CDK19: variants seen among roughly 807,000 people sequenced by gnomAD.
CDK19 encodes the protein cyclin-dependent kinase 19.
A neutral mutation model predicts 68.3 loss-of-function variants in CDK19; 20 were observed. The ratio of observed to expected loss-of-function variants is 0.29; its 90% CI spans 0.21 to 0.43. The LOEUF (loss-of-function observed/expected upper bound fraction) is 0.43. CDK19 is among the 20% of genes least tolerant of loss of function. The probability of loss-of-function intolerance (pLI) is 1.00; values close to 1 mark genes in which losing one functional copy is unlikely to be tolerated. For synonymous variants in CDK19, 221 were observed against 222.8 expected (o/e 0.99, Z 0.07); for missense variants, 339 against 623.5 (o/e 0.54, Z 4.86).
At chr6:110,654,971 C>A (rs114496955) in intron 4 of CDK19, among the ~76,000 whole-genome samples, 6,028 of 151,042 alleles carry the variant, frequency 0.04, 150 homozygotes, top group South Asian at 0.084. Flanking sequence ...AAAGAAAGAA[C>A]AGAAGTTGAA....
chr6:110,706,628 T>TTCACAAGCCA (rs1482101611), intron 2 of CDK19: 1 of 151,116 alleles, frequency 6.6e-6, no homozygotes, highest in Non-Finnish European at 1.5e-5. Flanking sequence ...TTAGCCAGGA[T>TTCACAAGCCA]GGTCTTGATC....
At chr6:110,780,001 CA>C (rs1780678919) in intron 1 of CDK19, among the ~76,000 whole-genome samples, 1 of 152,034 alleles carries the variant, frequency 6.6e-6, no homozygotes, top group African/African-American at 2.4e-5. Flanking sequence ...AGGCAGATCA[CA>C]AGGTCAAGAG....
At chr6:110,809,877 T>C (rs1053263902) in intron 1 of CDK19, among the ~76,000 whole-genome samples, 2 of 152,208 alleles carry the variant, frequency 1.3e-5, no homozygotes, top group Non-Finnish European at 2.9e-5. Context: ...ACAGTGACTT[T>C]ACATATGTAA....
chr6:110,721,963 CA>C (rs895259786), intron 2 of CDK19, among the ~76,000 whole-genome samples: 7 of 147,248 alleles, frequency 4.8e-5, no homozygotes, highest in East Asian at 2.0e-4. Context: ...GACTCCATCT[CA>C]AAAAAAAAAG....
intron 4 of CDK19, among the ~76,000 whole-genome samples, chr6:110,654,810 G>A (rs1017214545): frequency 1.3e-5 from 2 of 151,868 alleles, no homozygotes; most frequent in East Asian, 1.9e-4. Context: ...GCATGGTGGC[G>A]CATGCCTGTA....
chr6:110,675,558 C>T (rs527299941), intron 2 of CDK19, among the ~76,000 whole-genome samples: 2 of 135,266 alleles, frequency 1.5e-5, no homozygotes, highest in East Asian at 2.3e-4. Flanking sequence ...ACCTGGGAGG[C>T]GGAAGTTGTG....
At chr6:110,689,224 C>T (rs1772766561) in intron 2 of CDK19, among the ~76,000 whole-genome samples, 1 of 152,140 alleles carries the variant, frequency 6.6e-6, no homozygotes, top group South Asian at 2.1e-4. Flanking sequence ...GAACCACCTC[C>T]TGACTCCCAC....
Position 110,677,427 on chromosome 6 carries a change from G to A in CDK19, c.205-6886C>T, listed in dbSNP as rs547488935. 9.2e-5 allele frequency among the ~76,000 whole-genome samples: 14 copies of A among 152,150 alleles called. No individual in the cohort carries two copies. In the South Asian group the frequency reaches 1.2e-3, roughly 14 times the overall value. Reference sequence around the variant, plus strand: ...AAATACAAAAAAAAATTAGCTGGGCGTGGTGGTGGGCACCTGTAGTCCCAG... The same window carrying A: ...AAATACAAAAAAAAATTAGCTGGGCATGGTGGTGGGCACCTGTAGTCCCAG... On this transcript the variant is annotated intron_variant, in intron 2 of 12. Transcript: ENST00000368911.
chr6:110,768,888 C>T (rs1002189590), intron 1 of CDK19, among the ~76,000 whole-genome samples: 3 of 152,086 alleles, frequency 2.0e-5, no homozygotes, highest in Non-Finnish European at 4.4e-5. Context: ...CATGGTGGCT[C>T]AAGCCTGTAA....
intron 2 of CDK19, among the ~76,000 whole-genome samples, chr6:110,694,349 G>A (rs1472975671): frequency 1.3e-5 from 2 of 152,122 alleles, no homozygotes; most frequent in Non-Finnish European, 2.9e-5. Context: ...CTAGAAGCCA[G>A]CAGGAATAGC....
At chr6:110,790,974 A>G (rs1781551930) in intron 1 of CDK19, among the ~76,000 whole-genome samples, 1 of 152,146 alleles carries the variant, frequency 6.6e-6, no homozygotes. Context: ...GTTCAAGACC[A>G]ACCTGGCTAA....
intron 12 of CDK19, among the ~76,000 whole-genome samples, chr6:110,617,856 CAAAAAAAAAAAAAAA>C (rs58620857): frequency 4.6e-4 from 8 of 17,364 alleles, no homozygotes; most frequent in Non-Finnish European, 9.4e-4. Flanking sequence ...GACTCTGTCT[CAAAAAAAAAAAAAAA>C]AAAAAAAAAA....
intron 2 of CDK19, among the ~76,000 whole-genome samples, chr6:110,708,505 T>C (rs1051640613): frequency 5.3e-5 from 8 of 152,300 alleles, no homozygotes; most frequent in African/African-American, 1.7e-4. Context: ...CTACTCTTGT[T>C]TCCAGCCCCA....
chr6:110,815,011 A>G lies in CDK19; in HGVS notation c.126T>C (p.Asp42=). Residue 42 remains aspartate (D), a splice_region_variant and synonymous_variant, in exon 1 of 13, where the codon GAT becomes GAC. Coordinates refer to ENST00000368911, the MANE Select transcript of CDK19 (RefSeq NM_015076.5). ...ACTCCTCCCGCCCCTGCTCTTACCC[A>G]TCTTTCCGCCTCGCCTTGTAGACGT... The part of the protein sequence containing the change: ...YGHVYKARRK[D]GKDEKEYALK... The G allele has an allele frequency of 1.2e-6, 2 of 1,603,556 alleles. No homozygotes were observed. The highest frequency in any genetic ancestry group is 1.7e-6 in the Non-Finnish European group (2 of 1,175,756).
intron 1 of CDK19, among the ~76,000 whole-genome samples, chr6:110,768,631 GAA>G (rs367657153): frequency 0.015 from 2,233 of 152,202 alleles, 34 homozygotes; most frequent in Non-Finnish European, 0.023. Context: ...AAGCCAACCT[GAA>G]AAAGCTACAT....
At chr6:110,730,960 G>A (rs1306770424) in intron 2 of CDK19, among the ~76,000 whole-genome samples, 1 of 152,042 alleles carries the variant, frequency 6.6e-6, no homozygotes, top group Non-Finnish European at 1.5e-5. Context: ...GCTGAGGCAG[G>A]AGAATCATTT....
At chr6:110,655,726 C>A (rs1307256633) in intron 4 of CDK19, among the ~76,000 whole-genome samples, 1 of 152,044 alleles carries the variant, frequency 6.6e-6, no homozygotes, top group African/African-American at 2.4e-5. Flanking sequence ...TAGTTCAAGC[C>A]TTCCTTATTT....
In CDK19 at chr6:110,624,719, A is replaced by G. The variant is rs73539475; in HGVS notation, c.861-1357T>C. On this transcript the variant is annotated intron_variant, in intron 8 of 12. Transcript: ENST00000368911. ...AACTTATTATTTTGAGTGGCTGCCT[A>G]TCTCCTACTGGTACGGGTATTACTT... Among the ~76,000 whole-genome samples, 1,479 of 152,284 alleles carry G rather than the reference A, an allele frequency of 9.7e-3. 28 individuals carry two copies. Among genetic ancestry groups the G allele is most frequent in the African/African-American group, 0.034 (1,423 of 41,552 alleles).
chr6:110,712,642 G>A (rs1201253452), intron 2 of CDK19, among the ~76,000 whole-genome samples: 1 of 152,314 alleles, frequency 6.6e-6, no homozygotes, highest in Admixed American at 6.5e-5. Flanking sequence ...CTAAGGCAGA[G>A]GATGCAGAGA....
Sources: allele counts gnomAD v4.1 joint callset (sites outside exome capture counted in the v4.1 genomes callset), GRCh38; gene constraint gnomAD v4.1.1; transcripts MANE v1.5; gene names NCBI Gene and HGNC (gene_info 2026-07-23, HGNC 2026-07-21).